The following RTN1 variants were observed in gnomAD, a reference collection of about 807,000 sequenced individuals.
RTN1 encodes the protein reticulon-1.
A neutral mutation model predicts 65.5 loss-of-function variants in RTN1; 25 were observed. The ratio of observed to expected loss-of-function variants is 0.38; its 90% CI spans 0.28 to 0.53. The LOEUF (loss-of-function observed/expected upper bound fraction) is 0.53, where lower values mean the gene tolerates loss of function less well. RTN1 is among the 20% of genes least tolerant of loss of function. The pLI is 0.79. For missense variants in RTN1, 983 were observed against 1,025.4 expected, an observed-to-expected ratio of 0.96 and a Z score of 0.57; for synonymous variants, 471 against 447.6, an observed-to-expected ratio of 1.05 and a Z score of -0.66.
chr14:59,706,107 T>G (rs1884287842), intron 3 of RTN1, among the ~76,000 whole-genome samples: 1 of 152,222 alleles, frequency 6.6e-6, no homozygotes, highest in African/African-American at 2.4e-5. Context: ...GAAGTCTCCA[T>G]GCTCATGACA....
chr14:59,682,606 T>C (rs925057171), intron 3 of RTN1, among the ~76,000 whole-genome samples: 6 of 152,118 alleles, frequency 3.9e-5, no homozygotes, highest in African/African-American at 1.4e-4. Context: ...AACACAACAA[T>C]AAAACTTAAC....
intron 1 of RTN1, among the ~76,000 whole-genome samples, chr14:59,792,320 C>A (rs761295976): frequency 6.6e-6 from 1 of 150,936 alleles, no homozygotes; most frequent in Non-Finnish European, 1.5e-5. Context: ...GTGAAAACAT[C>A]AGAGTATCAA....
chr14:59,604,015 C>A, intron 5 of RTN1, 94 bp from the exon 6 acceptor site: 2 of 866,702 alleles, frequency 2.3e-6, no homozygotes, highest in South Asian at 1.4e-5. Flanking sequence ...GAATTTGAGT[C>A]AGAATACATC....
intron 3 of RTN1, among the ~76,000 whole-genome samples, chr14:59,695,788 A>G (rs1884051187): frequency 6.6e-6 from 1 of 151,988 alleles, no homozygotes; most frequent in Admixed American, 6.6e-5. Context: ...CCCTAAATCT[A>G]CCTTTGATTA....
chr14:59,741,110 T>C (rs1438969884), intron 2 of RTN1, among the ~76,000 whole-genome samples: 4 of 152,152 alleles, frequency 2.6e-5, no homozygotes, highest in Admixed American at 1.3e-4. Flanking sequence ...CCATGCAGCA[T>C]CCGGAAGGAT....
At chr14:59,747,893 G>T (rs1885262404) in intron 1 of RTN1, among the ~76,000 whole-genome samples, 1 of 151,996 alleles carries the variant, frequency 6.6e-6, no homozygotes, top group African/African-American at 2.4e-5. Flanking sequence ...ATAGACTAGA[G>T]CAATAACTCA....
chr14:59,680,416 A>G (rs1228237771), intron 3 of RTN1, among the ~76,000 whole-genome samples: 2 of 152,224 alleles, frequency 1.3e-5, no homozygotes, highest in East Asian at 1.9e-4. Flanking sequence ...AGTTAAATAA[A>G]AAAGGAGATA....
chr14:59,804,157 T>C (rs1594749843), intron 1 of RTN1, among the ~76,000 whole-genome samples: 1 of 152,218 alleles, frequency 6.6e-6, no homozygotes, highest in African/African-American at 2.4e-5. Context: ...CTCCTTAGGC[T>C]TCTCTTGGCT....
intron 3 of RTN1, among the ~76,000 whole-genome samples, chr14:59,681,425 A>AT (rs370459538): frequency 0.022 from 3,407 of 152,162 alleles, 130 homozygotes; most frequent in African/African-American, 0.078. Context: ...TCTCCATACT[A>AT]TTTTTTCAAC....
intron 1 of RTN1, among the ~76,000 whole-genome samples, chr14:59,859,968 C>G (rs976860626): frequency 6.6e-6 from 1 of 152,142 alleles, no homozygotes; most frequent in African/African-American, 2.4e-5. Context: ...ATAAGGGAAA[C>G]AGAGCATAAA....
chr14:59,629,539 A>C (rs1275851958), intron 3 of RTN1, among the ~76,000 whole-genome samples: 1 of 152,246 alleles, frequency 6.6e-6, no homozygotes, highest in Admixed American at 6.5e-5. Context: ...GTTAAATATG[A>C]AAAGACACTA....
In RTN1 at chr14:59,806,918, CA is replaced by C. The variant is rs150192011; in HGVS notation, c.242-60438del. ...GTCTTTGCTATTGCAAATAGTAAAA[CA>C]ACATTTTTAAATGGAATTTTAAGTC... On this transcript the variant is annotated intron_variant, in intron 1 of 8. Transcript: ENST00000267484. Among the ~76,000 whole-genome samples, 455 of 152,236 alleles carry C rather than the reference CA, an allele frequency of 3.0e-3. 11 individuals are homozygous for C. The East Asian group carries it at 0.05, about 17-fold the overall frequency.
At chr14:59,855,626 T>C (rs761086554) in intron 1 of RTN1, among the ~76,000 whole-genome samples, 3 of 152,240 alleles carry the variant, frequency 2.0e-5, no homozygotes, top group Non-Finnish European at 2.9e-5. Flanking sequence ...CTACTGGTTC[T>C]TGTAATTTTC....
intron 1 of RTN1, among the ~76,000 whole-genome samples, chr14:59,756,299 ATGG>A (rs755802849): frequency 6.6e-6 from 1 of 152,234 alleles, no homozygotes. Flanking sequence ...TTTTAGGGAA[ATGG>A]TGGAGGTGAA....
At position 59,811,120 on chromosome 14, in the gene RTN1, G is replaced by A. The variant is rs1594752179; in HGVS notation, c.241+59270C>T. On this transcript the variant is annotated intron_variant, in intron 1 of 8. Coordinates refer to ENST00000267484, the MANE Select transcript of RTN1 (RefSeq NM_021136.3). Reference sequence around the variant, plus strand: ...ATTTTTGATGCTCAAGGATTCCCAGGGGAAGGGTGAACCTCCTCAATCATT... The same window carrying A: ...ATTTTTGATGCTCAAGGATTCCCAGAGGAAGGGTGAACCTCCTCAATCATT... Among the ~76,000 whole-genome samples, 4 of 152,226 alleles carry A rather than the reference G, an allele frequency of 2.6e-5. No homozygotes were observed. The South Asian group carries it at 8.3e-4, about 32-fold the overall frequency.
intron 1 of RTN1, among the ~76,000 whole-genome samples, chr14:59,814,240 C>T (rs1886779552): frequency 6.6e-6 from 1 of 152,124 alleles, no homozygotes; most frequent in Non-Finnish European, 1.5e-5. Flanking sequence ...GGTCTAGGCA[C>T]CTGGGGAATA....
In RTN1 at chr14:59,683,222, G is replaced by T. The variant is rs529472047; in HGVS notation, c.1765+43697C>A. 4.6e-4 allele frequency among the ~76,000 whole-genome samples: 70 copies of T among 152,196 alleles called. 2 individuals carry two copies. In the South Asian group the frequency reaches 0.013, roughly 29 times the overall value. Reference sequence around the variant, plus strand: ...TTAATCCATTTAAAGTTGTATGAAGGTAGTATTAATTTTGTGTATTAACAC... The same window carrying T: ...TTAATCCATTTAAAGTTGTATGAAGTTAGTATTAATTTTGTGTATTAACAC... On this transcript the variant is annotated intron_variant, in intron 3 of 8. Transcript: ENST00000267484.
chr14:59,669,726 T>C (rs1280756136), intron 3 of RTN1, among the ~76,000 whole-genome samples: 1 of 152,206 alleles, frequency 6.6e-6, no homozygotes, highest in East Asian at 1.9e-4. Context: ...AAGTCACCTA[T>C]GTCTCTGAGA....
chr14:59,610,465 C>T (rs2140167246), intron 3 of RTN1, among the ~76,000 whole-genome samples: 1 of 152,288 alleles, frequency 6.6e-6, no homozygotes, highest in Non-Finnish European at 1.5e-5. Context: ...ACTGAAATCT[C>T]AGAATAAACT....
Sources: allele counts gnomAD v4.1 joint callset (sites outside exome capture counted in the v4.1 genomes callset), GRCh38; gene constraint gnomAD v4.1.1; transcripts MANE v1.5; gene names NCBI Gene and HGNC (gene_info 2026-07-23, HGNC 2026-07-21).